The following MGMT variants were observed in gnomAD, a reference collection of about 807,000 sequenced individuals.
MGMT encodes O-6-methylguanine-DNA methyltransferase, also known as methylated-DNA--protein-cysteine methyltransferase.
A neutral mutation model predicts 15.9 loss-of-function variants in MGMT; 14 were observed. That is an observed-to-expected ratio of 0.88 (90% CI 0.58 to 1.37). The LOEUF (loss-of-function observed/expected upper bound fraction) is 1.37, where lower values mean the gene tolerates loss of function less well. MGMT is among the 40% of genes most tolerant of loss of function. The pLI is 0.00. For missense variants in MGMT, 282 were observed against 268.1 expected (o/e 1.05, Z -0.36); for synonymous variants, 130 against 118.2 (o/e 1.10, Z -0.65).
At chr10:129,603,061 G>A (rs1337005834) in intron 2 of MGMT, among the ~76,000 whole-genome samples, 1 of 152,186 alleles carries the variant, frequency 6.6e-6, no homozygotes, top group Non-Finnish European at 1.5e-5. Context: ...TATAAATTTA[G>A]AATATTTTTG....
At chr10:129,684,455 C>G (rs1847884600) in intron 2 of MGMT, among the ~76,000 whole-genome samples, 1 of 152,300 alleles carries the variant, frequency 6.6e-6, no homozygotes, top group African/African-American at 2.4e-5. Flanking sequence ...GTGAGACCAA[C>G]TTTCTTTTTC....
chr10:129,703,046 CT>C (rs1282796540), intron 2 of MGMT, among the ~76,000 whole-genome samples: 1 of 152,174 alleles, frequency 6.6e-6, no homozygotes, highest in African/African-American at 2.4e-5. Context: ...CTTTAAAAAT[CT>C]GGTTTTATGT....
At chr10:129,637,944 T>C (rs558730892) in intron 2 of MGMT, among the ~76,000 whole-genome samples, 5 of 152,370 alleles carry the variant, frequency 3.3e-5, no homozygotes, top group South Asian at 4.1e-4. Context: ...TATTTTGTTA[T>C]GGCAGCCTGA....
chr10:129,733,385 G>A (rs574113076), intron 3 of MGMT, among the ~76,000 whole-genome samples: 12 of 152,046 alleles, frequency 7.9e-5, no homozygotes, highest in African/African-American at 1.7e-4. Context: ...CATGTCCTTC[G>A]CCCACTTTTT....
chr10:129,575,940 A>C (rs1016079652), intron 2 of MGMT, among the ~76,000 whole-genome samples: 5 of 152,226 alleles, frequency 3.3e-5, no homozygotes, highest in African/African-American at 1.2e-4. Flanking sequence ...TCTAGAAGAA[A>C]TGGATAAATT....
chr10:129,747,702 G>A (rs1228406027), intron 3 of MGMT, among the ~76,000 whole-genome samples: 3 of 152,084 alleles, frequency 2.0e-5, no homozygotes, highest in Non-Finnish European at 4.4e-5. Context: ...CTATGATCTT[G>A]AAGTTTTCTT....
chr10:129,766,808 C>A lies in MGMT; in HGVS notation c.435C>A (p.Cys145Ter), dbSNP rs1848941635. 6.2e-7 allele frequency: 1 copy of A among 1,613,076 alleles called. No individual in the cohort carries two copies. Among genetic ancestry groups the A allele is most frequent in the Admixed American group, 1.7e-5 (1 of 59,998 alleles). ...RGNPVPILIP[C>*]HRVVCSSGAV... ...TCCAGGTCCCCATCCTCATCCCGTG[C>A]CACAGAGTGGTCTGCAGCAGCGGAG... The change falls in exon 5 of 5, where the codon TGC (cysteine) becomes TGA (stop). Residue 145 changes from cysteine to a stop codon, truncating the protein, a stop_gained. Transcript: ENST00000651593. LOFTEE classifies it low-confidence loss of function (END_TRUNC).
intron 2 of MGMT, among the ~76,000 whole-genome samples, chr10:129,542,253 G>A (rs368035592): frequency 1.3e-5 from 2 of 152,272 alleles, no homozygotes; most frequent in East Asian, 1.9e-4. Flanking sequence ...GGTCCCGGCT[G>A]GCTTGGTATG....
intron 1 of MGMT, among the ~76,000 whole-genome samples, chr10:129,486,177 CT>C (rs33985155): frequency 0.52 from 59,213 of 113,042 alleles, 13,808 homozygotes; most frequent in Middle Eastern, 0.61. Context: ...CTTCTCTTCT[CT>C]TTTTTTTTTT....
At chr10:129,549,230 A>G (rs1226326621) in intron 2 of MGMT, among the ~76,000 whole-genome samples, 1 of 152,180 alleles carries the variant, frequency 6.6e-6, no homozygotes, top group African/African-American at 2.4e-5. Flanking sequence ...CCCTAACTGT[A>G]GCAGACCATC....
intron 2 of MGMT, among the ~76,000 whole-genome samples, chr10:129,545,314 G>C (rs1846086861): frequency 6.6e-6 from 1 of 152,194 alleles, no homozygotes; most frequent in Admixed American, 6.5e-5. Flanking sequence ...GATTTGGTCA[G>C]TGGGAACTCA....
chr10:129,490,334 G>A (rs1192429413), intron 1 of MGMT, among the ~76,000 whole-genome samples: 1 of 152,006 alleles, frequency 6.6e-6, no homozygotes, highest in Admixed American at 6.5e-5. Flanking sequence ...ATGACTTCTA[G>A]GGAATTATTA....
chr10:129,549,843 T>C lies in MGMT; in HGVS notation c.125+13466T>C, dbSNP rs139781753. 2.4e-3 allele frequency among the ~76,000 whole-genome samples: 364 copies of C among 152,328 alleles called. 1 individual carries two copies. The highest frequency in any genetic ancestry group is 8.3e-3 in the African/African-American group (345 of 41,576). On this transcript the variant is annotated intron_variant, in intron 2 of 4. Coordinates refer to ENST00000651593, the MANE Select transcript of MGMT (RefSeq NM_002412.5). ...ACGGGGATTGTTTGAATTGACAAAA[T>C]GAAAATATGTATTATATTTTCTCTT...
At chr10:129,618,193 A>G (rs1302074062) in intron 2 of MGMT, among the ~76,000 whole-genome samples, 2 of 152,118 alleles carry the variant, frequency 1.3e-5, no homozygotes, top group Admixed American at 6.5e-5. Context: ...ACTTTTTTTA[A>G]AAAGGATTTT....
At chr10:129,761,754 G>A (rs1033331240) in intron 4 of MGMT, among the ~76,000 whole-genome samples, 4 of 152,150 alleles carry the variant, frequency 2.6e-5, no homozygotes, top group East Asian at 1.9e-4. Context: ...ACCAAGTCTC[G>A]CCCTTCTCGG....
chr10:129,692,739 G>T (rs1007028361), intron 2 of MGMT, among the ~76,000 whole-genome samples: 8 of 152,214 alleles, frequency 5.3e-5, no homozygotes, highest in African/African-American at 1.4e-4. Context: ...AAGAAGCTCA[G>T]AGTGCATTCT....
chr10:129,720,134 G>C (rs1848352310), intron 3 of MGMT, among the ~76,000 whole-genome samples: 1 of 152,204 alleles, frequency 6.6e-6, no homozygotes, highest in Admixed American at 6.5e-5. Flanking sequence ...TGTTCAGAAG[G>C]AGTGTTTTGG....
At chr10:129,687,974 T>G (rs1847927964) in intron 2 of MGMT, among the ~76,000 whole-genome samples, 1 of 152,172 alleles carries the variant, frequency 6.6e-6, no homozygotes, top group South Asian at 2.1e-4. Context: ...TGCAATAGTT[T>G]GCTGAGAATG....
intron 2 of MGMT, among the ~76,000 whole-genome samples, chr10:129,623,524 T>A (rs1024306870): frequency 3.3e-5 from 5 of 152,176 alleles, no homozygotes; most frequent in African/African-American, 1.2e-4. Flanking sequence ...ATAACCTTTT[T>A]AAGTATATAT....
Sources: gnomAD v4.1 joint callset for allele counts (sites outside exome capture counted in the v4.1 genomes callset) on GRCh38, gnomAD v4.1.1 for gene constraint, MANE v1.5 for transcripts, NCBI Gene and HGNC (gene_info 2026-07-23, HGNC 2026-07-21) for gene names.